Variants in KIAA1217 observed in about 807,000 individuals in gnomAD.
KIAA1217 encodes sickle tail protein homolog.
A neutral mutation model predicts 163.9 loss-of-function variants in KIAA1217; 88 were observed. The ratio of observed to expected loss-of-function variants is 0.54; its 90% CI spans 0.45 to 0.64. The LOEUF (loss-of-function observed/expected upper bound fraction) is 0.64. KIAA1217 is among the 30% of genes least tolerant of loss of function. The probability of loss-of-function intolerance (pLI) is 0.00; values close to 1 mark genes in which losing one functional copy is unlikely to be tolerated. For synonymous variants in KIAA1217, 903 were observed against 923.1 expected (o/e 0.98, Z 0.39); for missense variants, 2,372 against 2,475.0 (o/e 0.96, Z 0.88).
intron 1 of KIAA1217, among the ~76,000 whole-genome samples, chr10:23,828,273 A>T (rs1370930200): frequency 1.3e-5 from 2 of 152,118 alleles, no homozygotes; most frequent in Non-Finnish European, 2.9e-5. Context: ...GGAGATAGGC[A>T]TAGAGTTCTA....
chr10:23,804,905 G>C (rs539751264), intron 1 of KIAA1217, among the ~76,000 whole-genome samples: 1 of 152,154 alleles, frequency 6.6e-6, no homozygotes, highest in Admixed American at 6.5e-5. Context: ...AATATTTTTA[G>C]TTAGGATCTC....
intron 2 of KIAA1217, among the ~76,000 whole-genome samples, chr10:24,085,927 T>TATG (rs1163389226): frequency 6.6e-6 from 1 of 151,842 alleles, no homozygotes; most frequent in African/African-American, 2.4e-5. Flanking sequence ...GGGCCAAGAT[T>TATG]ATGCCACTGC....
chr10:24,506,596 A>T (rs2068391123), intron 9 of KIAA1217, among the ~76,000 whole-genome samples: 1 of 152,230 alleles, frequency 6.6e-6, no homozygotes, highest in Non-Finnish European at 1.5e-5. Flanking sequence ...TTGCCCTCCC[A>T]CTGTGGGCAA....
upstream of KIAA1217, among the ~76,000 whole-genome samples, chr10:24,207,738 G>C (rs1002460790): frequency 5.9e-5 from 9 of 152,172 alleles, no homozygotes; most frequent in Non-Finnish European, 1.3e-4. Flanking sequence ...CCTGACGTGA[G>C]TGTAACTCAC....
At chr10:24,075,071 C>G (rs1337280740) in intron 2 of KIAA1217, among the ~76,000 whole-genome samples, 1 of 151,368 alleles carries the variant, frequency 6.6e-6, no homozygotes, top group South Asian at 2.1e-4. Context: ...ATGATAAAAC[C>G]TCTTGCAGGA....
At chr10:24,271,136 C>T (rs911922507) in intron 2 of KIAA1217, among the ~76,000 whole-genome samples, 1 of 152,086 alleles carries the variant, frequency 6.6e-6, no homozygotes, top group South Asian at 2.1e-4. Flanking sequence ...ACTTTTGAAG[C>T]TTTCTTTTCC....
chr10:24,099,676 G>C (rs1384032161), intron 2 of KIAA1217, among the ~76,000 whole-genome samples: 2 of 148,878 alleles, frequency 1.3e-5, no homozygotes, highest in African/African-American at 5.0e-5. Flanking sequence ...TGCCATGTTG[G>C]TGTGCTGCAC....
At chr10:24,326,725 T>C (rs1002759723) in intron 2 of KIAA1217, among the ~76,000 whole-genome samples, 1 of 152,190 alleles carries the variant, frequency 6.6e-6, no homozygotes, top group African/African-American at 2.4e-5. Context: ...TGTGGCATTC[T>C]TGTTTTTCCA....
chr10:24,458,689 T>A (rs1206759215), intron 5 of KIAA1217, among the ~76,000 whole-genome samples: 1 of 152,206 alleles, frequency 6.6e-6, no homozygotes, highest in East Asian at 1.9e-4. Context: ...CTAATGGGAA[T>A]GAGATGAGAA....
chr10:24,269,254 G>T (rs1590397732), intron 2 of KIAA1217, among the ~76,000 whole-genome samples: 1 of 151,144 alleles, frequency 6.6e-6, no homozygotes, highest in African/African-American at 2.4e-5. Context: ...CTGGCGCAGT[G>T]GTTCACACTT....
At chr10:24,538,279 C>T (rs2074332589) in intron 17 of KIAA1217, among the ~76,000 whole-genome samples, 1 of 152,040 alleles carries the variant, frequency 6.6e-6, no homozygotes, top group Non-Finnish European at 1.5e-5. Context: ...CACCACGGCA[C>T]CCTTGTGTAA....
rs527792253 is a variant in KIAA1217 at position 23,786,521 on chromosome 10, G to T, written c.-321+91287G>T. 4.1e-5 allele frequency among the ~76,000 whole-genome samples: 6 copies of T among 145,174 alleles called. No individual in the cohort carries two copies. In the South Asian group the frequency reaches 1.1e-3, roughly 26 times the overall value. ...TTTCTACCTCTCCCAAAATTTTAAA[G>T]TCTATTCAGAAGTAGCCAAAAAAAA... On this transcript the variant is annotated intron_variant, in intron 1 of 18. Transcript: ENST00000376462.
rs1188579227 is a variant in KIAA1217 at position 24,088,272 on chromosome 10, T to TAC, written c.-171+80899_-171+80900insCA. 2.7e-4 allele frequency among the ~76,000 whole-genome samples: 29 copies of TAC among 107,188 alleles called. 1 individual carries two copies. Among genetic ancestry groups the TAC allele is most frequent in the African/African-American group, 7.9e-4 (27 of 34,116 alleles). The allele number at this position is 107,188 out of a possible 152,430, so 70.3% of individuals were successfully genotyped here. Reference sequence around the variant, plus strand: ...TTTAATATACATATATATATATATATATACACACATATATGTGTATATATA... The same window carrying TAC: ...TTTAATATACATATATATATATATATACATACACACATATATGTGTATATATA... On this transcript the variant is annotated intron_variant, in intron 2 of 18. Transcript: ENST00000376462.
At chr10:23,698,758 A>C (rs1197412738) in intron 1 of KIAA1217, among the ~76,000 whole-genome samples, 1 of 152,176 alleles carries the variant, frequency 6.6e-6, no homozygotes, top group African/African-American at 2.4e-5. Flanking sequence ...ACCTAAATCC[A>C]GGGGCAGTCT....
rs140657985 is a variant in KIAA1217, at chr10:24,302,087, T to C, written c.355-78782T>C. The stretch of plus-strand genomic sequence containing the variant: ...GAGAGACAGCAAACGAGACATAGGG[T>C]TTATCAGGGGAACTTACTTACAGGG... On this transcript the variant is annotated intron_variant, in intron 2 of 20. Coordinates refer to ENST00000376454, the MANE Select transcript of KIAA1217 (RefSeq NM_019590.5). 1.2e-4 allele frequency among the ~76,000 whole-genome samples: 18 copies of C among 151,998 alleles called. No homozygotes were observed. The East Asian group carries it at 3.5e-3, about 29-fold the overall frequency.
At position 23,805,996 on chromosome 10, in the gene KIAA1217, C is replaced by CAA. The variant is rs71397917; in HGVS notation, c.-321+110789_-321+110790dup. Among the ~76,000 whole-genome samples, 221 of 30,484 alleles carry CAA rather than the reference C, an allele frequency of 7.2e-3. 6 individuals are homozygous for CAA. The highest frequency in any genetic ancestry group is 0.027 in the African/African-American group (190 of 6,910). 20.0% of individuals were successfully genotyped at this position (30,484 alleles called of 152,430 possible). A position where few individuals can be genotyped will look rare whatever the true frequency, so the allele number is the denominator to read the frequency against. ...GGGCAACAAGAGCAAAACTCCATCT[C>CAA]AAAAAAAAAAAAAAAAAAAAAAAAA... is the stretch of plus-strand genomic sequence containing the variant. On this transcript the variant is annotated intron_variant, in intron 1 of 18. Coordinates refer to the KIAA1217 transcript ENST00000376462.
chr10:24,211,848 C>T (rs11013971), intron 1 of KIAA1217, among the ~76,000 whole-genome samples: 88,339 of 151,178 alleles, frequency 0.58, 26,121 homozygotes, highest in East Asian at 0.7. Context: ...ATGCCCAAAG[C>T]ATTTCCTGTA....
intron 10 of KIAA1217, among the ~76,000 whole-genome samples, chr10:24,516,214 G>A (rs2070123393): frequency 1.3e-5 from 2 of 152,236 alleles, no homozygotes; most frequent in South Asian, 4.1e-4. Flanking sequence ...TTTCTGGCCT[G>A]GAAAATGCAA....
chr10:24,211,466 G>C (rs1468187844), intron 1 of KIAA1217, among the ~76,000 whole-genome samples: 1 of 150,168 alleles, frequency 6.7e-6, no homozygotes, highest in Admixed American at 6.7e-5. Context: ...GAACTCTTGG[G>C]CTCAAGCAAT....
Sources: gnomAD v4.1 joint callset for allele counts (sites outside exome capture counted in the v4.1 genomes callset) on GRCh38, gnomAD v4.1.1 for gene constraint, MANE v1.5 for transcripts, NCBI Gene and HGNC (gene_info 2026-07-23, HGNC 2026-07-21) for gene names.